Variants in ZNF385D observed in about 807,000 individuals in gnomAD.
ZNF385D encodes the protein zinc finger protein 385D.
Under a neutral mutation model 35.8 loss-of-function variants are expected in ZNF385D, and 15 were observed. The observed-to-expected ratio is 0.42, with a 90% CI of 0.28 to 0.64. ZNF385D has a LOEUF of 0.64. ZNF385D is among the 30% of genes least tolerant of loss of function. ZNF385D has a pLI of 0.23. For missense variants in ZNF385D, 474 were observed against 494.6 expected, an observed-to-expected ratio of 0.96 and a Z score of 0.39; for synonymous variants, 212 against 186.8, an observed-to-expected ratio of 1.13 and a Z score of -1.10.
intron 3 of ZNF385D, among the ~76,000 whole-genome samples, chr3:21,979,224 A>T (rs1170200437): frequency 1.3e-5 from 2 of 152,138 alleles, no homozygotes; most frequent in Non-Finnish European, 2.9e-5. Flanking sequence ...GTATTTTGTT[A>T]TTGCCCTGTA....
At chr3:22,164,614 T>G (rs1706195071) in intron 3 of ZNF385D, among the ~76,000 whole-genome samples, 1 of 146,998 alleles carries the variant, frequency 6.8e-6, no homozygotes, top group Non-Finnish European at 1.5e-5. Context: ...GGGACTTTTT[T>G]TTTTTTTTTG....
chr3:21,809,091 T>C (rs899683823), intron 3 of ZNF385D, among the ~76,000 whole-genome samples: 1 of 152,012 alleles, frequency 6.6e-6, no homozygotes, highest in Non-Finnish European at 1.5e-5. Flanking sequence ...ACTAGAAAAA[T>C]GTCAACAGGA....
chr3:21,447,369 C>T (rs1702210961), intron 4 of ZNF385D, among the ~76,000 whole-genome samples: 1 of 152,104 alleles, frequency 6.6e-6, no homozygotes, highest in African/African-American at 2.4e-5. Context: ...AAAAAAAGCC[C>T]TCCAAAATCT....
chr3:22,277,695 T>G (rs189973604), intron 2 of ZNF385D, among the ~76,000 whole-genome samples: 11 of 152,228 alleles, frequency 7.2e-5, no homozygotes, highest in African/African-American at 2.6e-4. Flanking sequence ...TTACAATTAT[T>G]AGAAGATATG....
At position 21,964,592 on chromosome 3, in the gene ZNF385D, C is replaced by T. The variant is rs536837311; in HGVS notation, c.325+204225G>A. ...GCAACCTCTGCCTCCCAGGTTCAAG[C>T]GATTCTCCTGCCTCCGCCTCCTGAG... On this transcript the variant is annotated intron_variant, in intron 3 of 5. Coordinates refer to the ZNF385D transcript ENST00000494108. 4.7e-5 allele frequency among the ~76,000 whole-genome samples: 7 copies of T among 147,388 alleles called. No individual in the cohort carries two copies. The South Asian group carries it at 8.6e-4, about 18-fold the overall frequency.
chr3:22,127,933 C>G (rs1489301480), intron 3 of ZNF385D, among the ~76,000 whole-genome samples: 1 of 152,002 alleles, frequency 6.6e-6, no homozygotes, highest in Non-Finnish European at 1.5e-5. Flanking sequence ...GTTTACATAC[C>G]AGAACTGCAG....
intron 3 of ZNF385D, among the ~76,000 whole-genome samples, chr3:21,847,329 T>A (rs1349780539): frequency 1.3e-5 from 2 of 152,066 alleles, no homozygotes; most frequent in Non-Finnish European, 2.9e-5. Flanking sequence ...TTAAGAAAGT[T>A]TGAAAATGTG....
At chr3:22,016,772 G>A (rs1696912384) in intron 3 of ZNF385D, among the ~76,000 whole-genome samples, 2 of 151,930 alleles carry the variant, frequency 1.3e-5, no homozygotes, top group Non-Finnish European at 1.5e-5. Context: ...AAGTTTTGGG[G>A]GTTGTTTCTG....
chr3:22,123,962 C>CTCTCTCTATATA (rs1491571691), intron 3 of ZNF385D, among the ~76,000 whole-genome samples: 1 of 61,836 alleles, frequency 1.6e-5, no homozygotes. Flanking sequence ...CTCTCTCTCT[C>CTCTCTCTATATA]TATATATATA....
rs1700542790 is a variant in ZNF385D at position 21,415,043 on chromosome 3, A to G, written c.*6171T>C. ...GTTAAGTTGGGTTGACAAACGTCCA[A>G]TAAAACCCATATCATTATTTTGGTT... On this transcript the variant is annotated 3_prime_UTR_variant, in exon 8 of 8. Transcript: ENST00000281523. 6.6e-6 allele frequency: 1 copy of G among 152,176 alleles called. No individual in the cohort carries two copies. Among genetic ancestry groups the G allele is most frequent in the South Asian group, 2.1e-4 (1 of 4,828 alleles). The allele number at this position is 152,176 out of a possible 1,614,324, so 9.4% of individuals were successfully genotyped here.
chr3:21,501,546 A>G (rs918023339), intron 4 of ZNF385D, among the ~76,000 whole-genome samples: 1 of 152,216 alleles, frequency 6.6e-6, no homozygotes, highest in Admixed American at 6.5e-5. Flanking sequence ...TTTCATGTCT[A>G]TTACTATTAA....
intron 3 of ZNF385D, among the ~76,000 whole-genome samples, chr3:21,528,292 T>C (rs754015547): frequency 2.6e-5 from 4 of 152,056 alleles, no homozygotes; most frequent in African/African-American, 4.8e-5. Context: ...TGCTAGCTAG[T>C]TCGTGGGGTG....
intron 4 of ZNF385D, among the ~76,000 whole-genome samples, chr3:21,492,643 G>T (rs1705519387): frequency 6.6e-6 from 1 of 151,794 alleles, no homozygotes; most frequent in African/African-American, 2.4e-5. Context: ...AATTCGCCAG[G>T]TGTGATGGCG....
At chr3:22,003,563 A>G (rs1286777910) in intron 3 of ZNF385D, among the ~76,000 whole-genome samples, 1 of 152,152 alleles carries the variant, frequency 6.6e-6, no homozygotes, top group Non-Finnish European at 1.5e-5. Context: ...TTTTACAGAA[A>G]TGAAAAAAAT....
chr3:22,042,099 G>C (rs547658859), intron 3 of ZNF385D, among the ~76,000 whole-genome samples: 88 of 152,174 alleles, frequency 5.8e-4, no homozygotes, highest in African/African-American at 2.0e-3. Context: ...TATCAGATTG[G>C]GTCAAACATG....
At chr3:21,851,589 A>C (rs77235846) in intron 3 of ZNF385D, among the ~76,000 whole-genome samples, 2 of 152,068 alleles carry the variant, frequency 1.3e-5, no homozygotes, top group African/African-American at 4.8e-5. Flanking sequence ...AGCAATAAAA[A>C]GCAAAAAAGA....
At chr3:21,736,271 T>C (rs974867050) in intron 1 of ZNF385D, among the ~76,000 whole-genome samples, 5 of 152,326 alleles carry the variant, frequency 3.3e-5, no homozygotes, top group African/African-American at 1.2e-4. Context: ...TTTTGTTTCC[T>C]TGATAAAGGT....
At chr3:22,286,226 A>T (rs1702015643) in intron 2 of ZNF385D, among the ~76,000 whole-genome samples, 1 of 152,114 alleles carries the variant, frequency 6.6e-6, no homozygotes, top group Non-Finnish European at 1.5e-5. Context: ...TATTTGTCTA[A>T]TTCTTCTTCT....
chr3:22,191,489 GA>G (rs200074769), intron 2 of ZNF385D, among the ~76,000 whole-genome samples: 20,058 of 107,258 alleles, frequency 0.19, 1,385 homozygotes, highest in East Asian at 0.31. Context: ...CTCCATCTAA[GA>G]AAAAAAAAAA....
Sources: gnomAD v4.1 joint callset for allele counts (sites outside exome capture counted in the v4.1 genomes callset) on GRCh38, gnomAD v4.1.1 for gene constraint, MANE v1.5 for transcripts, NCBI Gene and HGNC (gene_info 2026-07-23, HGNC 2026-07-21) for gene names.